The following RP1 variants were observed in gnomAD, a reference collection of about 807,000 sequenced individuals.
RP1 encodes the protein RP1 axonemal microtubule associated, also known as oxygen-regulated protein 1.
A neutral mutation model predicts 14.8 loss-of-function variants in RP1; 16 were observed. The ratio of observed to expected loss-of-function variants is 1.08; its 90% CI spans 0.73 to 1.65. The LOEUF (loss-of-function observed/expected upper bound fraction) is 1.65, where lower values mean the gene tolerates loss of function less well. Among genes scored for constraint, RP1 ranks in the 40% most tolerant of loss-of-function variants. The pLI is 0.00. For synonymous variants in RP1, 876 were observed against 883.6 expected (o/e 0.99, Z 0.15); for missense variants, 2,631 against 2,535.0 (o/e 1.04, Z -0.81).
chr8:54,828,853 C>CTTCTTCT (rs369066594), intron 24 of RP1, among the ~76,000 whole-genome samples: 1 of 140,854 alleles, frequency 7.1e-6, no homozygotes, highest in Non-Finnish European at 1.5e-5. Context: ...TCTTCTTCTT[C>CTTCTTCT]TTCTTCTTTC....
At chr8:54,808,843 C>T (rs1810920014) in intron 24 of RP1, among the ~76,000 whole-genome samples, 1 of 152,136 alleles carries the variant, frequency 6.6e-6, no homozygotes, top group Non-Finnish European at 1.5e-5. Flanking sequence ...CTAGAGTAGC[C>T]CTTGATGGCC....
At chr8:54,796,833 A>G (rs976087420) in intron 24 of RP1, among the ~76,000 whole-genome samples, 9 of 152,210 alleles carry the variant, frequency 5.9e-5, no homozygotes, top group Non-Finnish European at 1.3e-4. Context: ...ATAGAATCCA[A>G]CAGTCAGATG....
intron 7 of RP1, chr8:54,673,743 A>G: frequency 1.4e-6 from 1 of 730,640 alleles, no homozygotes. Context: ...CTGTCTCAAA[A>G]CAACAACAAC....
intron 3 of RP1, among the ~76,000 whole-genome samples, chr8:54,637,009 G>C (rs969975794): frequency 4.6e-5 from 7 of 152,184 alleles, no homozygotes; most frequent in Non-Finnish European, 8.8e-5. Flanking sequence ...GTTTGCACCA[G>C]TCTGCACAAT....
chr8:54,729,934 A>G (rs539937485), intron 17 of RP1, among the ~76,000 whole-genome samples: 42 of 152,134 alleles, frequency 2.8e-4, no homozygotes, highest in African/African-American at 9.9e-4. Context: ...GTCCTTTTTA[A>G]TATAAAAAAT....
At position 54,848,874 on chromosome 8, in the gene RP1, G is replaced by C. The variant is rs574142025; in HGVS notation, c.3836-3700G>C. ...AGCTATTCTCCCACCTCAGCCTCCC[G>C]AGTAGCTGAGATTACAGGCGCCTGC... On this transcript the variant is annotated intron_variant, in intron 25 of 28. Transcript: ENST00000637698. Among the ~76,000 whole-genome samples, 11 of 152,062 alleles carry C rather than the reference G, an allele frequency of 7.2e-5. No individual in the cohort carries two copies. The South Asian group carries it at 2.3e-3, about 32-fold the overall frequency.
chr8:54,618,784 T>C (rs1324980220), intron 1 of RP1, among the ~76,000 whole-genome samples: 1 of 151,996 alleles, frequency 6.6e-6, no homozygotes, highest in Non-Finnish European at 1.5e-5. Context: ...GCCTCCCGAG[T>C]AGAGTAGCTG....
At chr8:54,589,686 A>C (rs1805002416) in intron 1 of RP1, among the ~76,000 whole-genome samples, 1 of 152,162 alleles carries the variant, frequency 6.6e-6, no homozygotes, top group South Asian at 2.1e-4. Context: ...GACATTGCTA[A>C]TTGGAGCTCA....
chr8:54,805,717 G>GTT (rs34454448), intron 24 of RP1, among the ~76,000 whole-genome samples: 39 of 144,568 alleles, frequency 2.7e-4, no homozygotes, highest in Non-Finnish European at 4.6e-4. Flanking sequence ...CATTTCTCTA[G>GTT]TTTTTTTTTT....
chr8:54,631,671 C>CT (rs77435572), downstream of RP1, among the ~76,000 whole-genome samples: 2,187 of 145,252 alleles, frequency 0.015, 39 homozygotes, highest in African/African-American at 0.048. Flanking sequence ...CTTTTTACTA[C>CT]TTTTTTTTTT....
At chr8:54,565,604 G>A (rs1405542407) in intron 1 of RP1, among the ~76,000 whole-genome samples, 1 of 152,068 alleles carries the variant, frequency 6.6e-6, no homozygotes, top group Admixed American at 6.5e-5. Flanking sequence ...CTGCCATAGA[G>A]GGGCATGATG....
At chr8:54,787,519 C>A (rs1810350388) in intron 24 of RP1, among the ~76,000 whole-genome samples, 1 of 152,086 alleles carries the variant, frequency 6.6e-6, no homozygotes, top group Non-Finnish European at 1.5e-5. Context: ...TAAAGGCATC[C>A]ATGTATCTTA....
At chr8:54,660,042 G>A (rs1806851545) in intron 6 of RP1, among the ~76,000 whole-genome samples, 1 of 152,078 alleles carries the variant, frequency 6.6e-6, no homozygotes, top group Non-Finnish European at 1.5e-5. Flanking sequence ...TAACGCAGCT[G>A]CTTTTTGAGT....
In RP1 at chr8:54,627,517, G is replaced by A. The variant is rs752435173; in HGVS notation, c.3635G>A (p.Cys1212Tyr). 6.2e-7 allele frequency: 1 copy of A among 1,614,128 alleles called. No individual in the cohort carries two copies. The highest frequency in any genetic ancestry group is 2.2e-5 in the East Asian group (1 of 44,886). The change falls in exon 4 of 4, where the codon TGT becomes TAT. Residue 1212 changes from cysteine (C) to tyrosine (Y), a missense_variant. Coordinates refer to ENST00000220676, the MANE Select transcript of RP1 (RefSeq NM_006269.2). The stretch of plus-strand genomic sequence containing the variant: ...GTTCCAATAGATCTTTCTGCAAATT[G>A]TTCCACGGTCAACATTCAGAGTGTT... ...DMVPIDLSAN[C>Y]STVNIQSVPK...
intron 17 of RP1, among the ~76,000 whole-genome samples, chr8:54,731,481 T>C (rs917013736): frequency 3.5e-4 from 54 of 152,306 alleles, no homozygotes; most frequent in African/African-American, 1.3e-3. Context: ...CAGAAATTTA[T>C]AGTCTGAGAC....
chr8:54,797,302 A>G (rs1368109473), intron 24 of RP1, among the ~76,000 whole-genome samples: 2 of 152,158 alleles, frequency 1.3e-5, no homozygotes, highest in East Asian at 3.9e-4. Flanking sequence ...TTGAGACTAG[A>G]AATTAGGCTA....
intron 24 of RP1, among the ~76,000 whole-genome samples, chr8:54,808,585 A>G (rs1019405940): frequency 6.6e-6 from 1 of 152,242 alleles, no homozygotes; most frequent in Non-Finnish European, 1.5e-5. Flanking sequence ...GTTACAGAGC[A>G]TGACTCTAGA....
At chr8:54,635,725 A>G (rs1806333806), downstream of RP1, among the ~76,000 whole-genome samples, 1 of 152,108 alleles carries the variant, frequency 6.6e-6, no homozygotes, top group African/African-American at 2.4e-5. Context: ...TTGACCCAAA[A>G]CCCAACACAC....
At chr8:54,819,694 AT>A (rs1328429331) in intron 24 of RP1, among the ~76,000 whole-genome samples, 2 of 152,210 alleles carry the variant, frequency 1.3e-5, no homozygotes, top group Non-Finnish European at 2.9e-5. Context: ...AGGGGGCACC[AT>A]AAGCCCAGCA....
Sources: allele counts gnomAD v4.1 joint callset (sites outside exome capture counted in the v4.1 genomes callset), GRCh38; gene constraint gnomAD v4.1.1; transcripts MANE v1.5; gene names NCBI Gene and HGNC (gene_info 2026-07-23, HGNC 2026-07-21).